SCN11A: variants seen among roughly 807,000 people sequenced by gnomAD.
SCN11A encodes the protein sodium voltage-gated channel alpha subunit 11.
A neutral mutation model predicts 162.2 loss-of-function variants in SCN11A; 122 were observed. The observed-to-expected ratio is 0.75, with a 90% CI of 0.65 to 0.87. The LOEUF (loss-of-function observed/expected upper bound fraction) is 0.87, where lower values mean the gene tolerates loss of function less well. Among genes scored for constraint, SCN11A ranks in the 40% least tolerant of loss-of-function variants. The pLI, the probability that SCN11A is intolerant of heterozygous loss-of-function variation, is 0.00. For synonymous variants in SCN11A, 758 were observed against 751.5 expected, an observed-to-expected ratio of 1.01 and a Z score of -0.14; for missense variants, 2,015 against 2,181.6, an observed-to-expected ratio of 0.92 and a Z score of 1.52.
chr3:38,848,444 G>A (rs139738005), intron 29 of SCN11A, among the ~76,000 whole-genome samples: 1 of 152,226 alleles, frequency 6.6e-6, no homozygotes, highest in Non-Finnish European at 1.5e-5. Context: ...GACCTTGAGT[G>A]TCCTGTAAGG....
chr3:38,966,803 C>G (rs7610172), intron 2 of SCN11A, among the ~76,000 whole-genome samples: 20,855 of 152,230 alleles, frequency 0.14, 1,659 homozygotes, highest in East Asian at 0.24. Context: ...TTCTCCTTGG[C>G]TTCTGTGAAG....
At chr3:38,986,907 A>T (rs539836229) in intron 2 of SCN11A, among the ~76,000 whole-genome samples, 8 of 152,196 alleles carry the variant, frequency 5.3e-5, no homozygotes, top group East Asian at 1.9e-4. Flanking sequence ...CAGCTGTGAG[A>T]CCACTTTCCC....
intron 2 of SCN11A, among the ~76,000 whole-genome samples, chr3:38,995,843 A>ATCTATCTATCTATCTATCTATCTG (rs2030615831): frequency 6.6e-6 from 1 of 151,832 alleles, no homozygotes; most frequent in South Asian, 2.1e-4. Context: ...CTATCTATCT[A>ATCTATCTATCTATCTATCTATCTG]TCTATATTTT....
intron 3 of SCN11A, among the ~76,000 whole-genome samples, chr3:38,957,402 C>G (rs1403188330): frequency 1.3e-5 from 2 of 152,178 alleles, no homozygotes; most frequent in African/African-American, 2.4e-5. Context: ...ATGAAAACAT[C>G]TTCTGATTCA....
At chr3:38,901,495 C>T (rs1289079545) in intron 16 of SCN11A, among the ~76,000 whole-genome samples, 1 of 151,988 alleles carries the variant, frequency 6.6e-6, no homozygotes, top group Non-Finnish European at 1.5e-5. Flanking sequence ...CACCAGATAC[C>T]TTGGGACCAT....
chr3:38,870,794 C>A, intron 25 of SCN11A, 50 bp from the exon 26 acceptor site: 1 of 1,512,920 alleles, frequency 6.6e-7, no homozygotes, highest in Non-Finnish European at 9.2e-7. Flanking sequence ...GACTTGCCAT[C>A]AACAGATACA....
intron 1 of SCN11A, among the ~76,000 whole-genome samples, chr3:39,033,369 A>C (rs1486041862): frequency 6.8e-6 from 1 of 147,870 alleles, no homozygotes. Flanking sequence ...CCAGATGTTA[A>C]ACTTTTTTCA....
chr3:38,957,517 G>A (rs555515883), intron 3 of SCN11A, among the ~76,000 whole-genome samples: 3 of 152,218 alleles, frequency 2.0e-5, no homozygotes, highest in South Asian at 2.1e-4. Flanking sequence ...CTGGGAGGCC[G>A]GCCACATGCG....
At chr3:39,020,343 T>C (rs72858043) in intron 2 of SCN11A, among the ~76,000 whole-genome samples, 10,568 of 152,272 alleles carry the variant, frequency 0.069, 1,172 homozygotes, top group African/African-American at 0.23. Flanking sequence ...GTTACTGATC[T>C]CCAACTCCAT....
intron 16 of SCN11A, among the ~76,000 whole-genome samples, chr3:38,900,608 T>C (rs1403028958): frequency 2.1e-5 from 3 of 143,646 alleles, no homozygotes; most frequent in Non-Finnish European, 4.5e-5. Flanking sequence ...ATCATAGAAT[T>C]AGAAAACACT....
intron 29 of SCN11A, among the ~76,000 whole-genome samples, chr3:38,848,626 C>T (rs1220650196): frequency 7.9e-5 from 12 of 152,158 alleles, no homozygotes; most frequent in Non-Finnish European, 1.2e-4. Flanking sequence ...TTCTTAAGTG[C>T]CAATTCAGCA....
At chr3:39,019,217 A>T (rs563709411) in intron 2 of SCN11A, among the ~76,000 whole-genome samples, 2 of 152,160 alleles carry the variant, frequency 1.3e-5, no homozygotes, top group South Asian at 4.2e-4. Flanking sequence ...GCCTTTTGAG[A>T]TATCTTTTCA....
Position 38,894,912 on chromosome 3 carries a change from CT to C in SCN11A, c.2455del (p.Arg819GlufsTer5). 6.2e-7 allele frequency: 1 copy of C among 1,614,050 alleles called. No individual in the cohort carries two copies. The highest frequency in any genetic ancestry group is 8.5e-7 in the Non-Finnish European group (1 of 1,179,938). Reference protein sequence around the residue: ...LLLNSFSNEERNGNLEGEARK... With the variant: ...LLLNSFSNEEXNGNLEGEARK... The stretch of plus-strand genomic sequence containing the variant: ...GGCCTCTCCTTCTAAGTTTCCATTT[CT>C]TTCCTCATTGCTAAAGGAATTGAGC... On this transcript the variant is annotated frameshift_variant, in exon 19 of 30. Coordinates refer to ENST00000302328, the MANE Select transcript of SCN11A (RefSeq NM_001349253.2). LOFTEE classifies it high-confidence loss of function.
chr3:38,930,311 G>C (rs376836372), intron 7 of SCN11A, among the ~76,000 whole-genome samples: 4 of 152,328 alleles, frequency 2.6e-5, no homozygotes, highest in African/African-American at 7.2e-5. Context: ...CTACAGGCAA[G>C]AGCTCCTCCT....
intron 11 of SCN11A, among the ~76,000 whole-genome samples, chr3:38,912,870 AGTT>A (rs1220048390): frequency 6.6e-6 from 1 of 152,046 alleles, no homozygotes; most frequent in Non-Finnish European, 1.5e-5. Context: ...TTCTTTATCC[AGTT>A]TGTCACTGAT....
chr3:38,856,603 T>G (rs2064873152), intron 28 of SCN11A, among the ~76,000 whole-genome samples: 3 of 152,178 alleles, frequency 2.0e-5, no homozygotes, highest in African/African-American at 4.8e-5. Flanking sequence ...CTCAGCCCAC[T>G]GTTGGGTATT....
intron 21 of SCN11A, 126 bp from the exon 22 acceptor site, chr3:38,883,513 G>A: frequency 1.2e-6 from 1 of 808,078 alleles, no homozygotes; most frequent in Non-Finnish European, 1.9e-6. Context: ...CATTAAAGAA[G>A]TAGAGCATCT....
intron 21 of SCN11A, among the ~76,000 whole-genome samples, chr3:38,884,087 G>A (rs1201638003): frequency 6.6e-6 from 1 of 152,156 alleles, no homozygotes; most frequent in African/African-American, 2.4e-5. Context: ...AAATTCTGCT[G>A]ATCCTTATTC....
At chr3:38,883,714 T>C (rs902976355) in intron 21 of SCN11A, among the ~76,000 whole-genome samples, 1 of 152,148 alleles carries the variant, frequency 6.6e-6, no homozygotes, top group African/African-American at 2.4e-5. Flanking sequence ...AGGAGGATGA[T>C]AGACATGTGG....
Sources: allele counts gnomAD v4.1 joint callset (sites outside exome capture counted in the v4.1 genomes callset), GRCh38; gene constraint gnomAD v4.1.1; transcripts MANE v1.5; gene names NCBI Gene and HGNC (gene_info 2026-07-23, HGNC 2026-07-21).